PRSS3: variants seen among roughly 807,000 people sequenced by gnomAD.
The protein encoded by PRSS3 is trypsin-3.
PRSS3 carries 14 observed loss-of-function variants against 20.8 expected under a neutral mutation model. The ratio of observed to expected loss-of-function variants is 0.67; its 90% CI spans 0.44 to 1.05. The LOEUF (loss-of-function observed/expected upper bound fraction) is 1.05. PRSS3 is among the 50% of genes least tolerant of loss of function. The pLI is 0.00. For synonymous variants in PRSS3, 91 were observed against 117.6 expected (o/e 0.77, Z 1.46); for missense variants, 237 against 306.4 (o/e 0.77, Z 1.69).
intron 1 of PRSS3, among the ~76,000 whole-genome samples, chr9:33,777,587 C>CA (rs1268413495): frequency 8.1e-5 from 12 of 147,578 alleles, no homozygotes; most frequent in African/African-American, 3.0e-4. Context: ...CCTGTAGTCC[C>CA]AGCTACTCTA....
In PRSS3 at chr9:33,797,988, T is replaced by C. The variant is rs1247493374; in HGVS notation, c.360T>C (p.Asn120=). The C allele has an allele frequency of 6.2e-7, 1 of 1,614,284 alleles. No individual in the cohort carries two copies. Among genetic ancestry groups the C allele is most frequent in the South Asian group, 1.1e-5 (1 of 91,088 alleles). The change falls in exon 3 of 5, where the codon AAT becomes AAC. Residue 120 remains asparagine (N), a synonymous_variant. Transcript: ENST00000379405. ...LIKLSSPAVI[N]ARVSTISLPT... ...AACTCTCCTCACCTGCCGTCATCAA[T>C]GCCCGCGTGTCCACCATCTCTCTGC...
rs537456945 is a variant in PRSS3 at position 33,754,780 on chromosome 9, G to A, written c.-53+4053G>A. ...CAGGAGGCAGAGGTTGCAGTGAGCC[G>A]AAATCATGCCACTTGCTCTCCAGCC... is the stretch of plus-strand genomic sequence containing the variant. On this transcript the variant is annotated intron_variant, in intron 1 of 5. Coordinates refer to the PRSS3 transcript ENST00000342836. Among the ~76,000 whole-genome samples the A allele has an allele frequency of 4.9e-3, 747 of 152,190 alleles. 5 individuals carry two copies. The highest frequency in any genetic ancestry group is 6.3e-3 in the Non-Finnish European group (427 of 68,010).
chr9:33,793,110 GA>G, upstream of PRSS3, among the ~76,000 whole-genome samples: 1 of 152,238 alleles, frequency 6.6e-6, no homozygotes, highest in East Asian at 1.9e-4. Context: ...ATTTAAGGAA[GA>G]GCGCAAAATA....
intron 1 of PRSS3, among the ~76,000 whole-genome samples, chr9:33,764,225 T>C (rs1226677864): frequency 6.6e-6 from 1 of 152,192 alleles, no homozygotes; most frequent in African/African-American, 2.4e-5. Context: ...CCTCACACCA[T>C]ATACAAAAGT....
intron 1 of PRSS3, among the ~76,000 whole-genome samples, chr9:33,777,395 G>C (rs539579013): frequency 6.6e-5 from 10 of 151,922 alleles, no homozygotes; most frequent in African/African-American, 2.2e-4. Flanking sequence ...AGATAGTAAA[G>C]AGTCTTAGGT....
chr9:33,797,156 T>C (rs1214938590), intron 2 of PRSS3, among the ~76,000 whole-genome samples: 4 of 152,124 alleles, frequency 2.6e-5, no homozygotes, highest in South Asian at 4.1e-4. Flanking sequence ...GAAGACAGTG[T>C]GAATACCAGT....
intron 1 of PRSS3, among the ~76,000 whole-genome samples, chr9:33,789,421 A>AT (rs954351726): frequency 1.3e-5 from 2 of 152,082 alleles, no homozygotes; most frequent in Non-Finnish European, 2.9e-5. Context: ...ATTCAGAGGA[A>AT]TTTTTTTTAA....
chr9:33,754,260 C>CG (rs1822838265), intron 1 of PRSS3, among the ~76,000 whole-genome samples: 1 of 151,824 alleles, frequency 6.6e-6, no homozygotes, highest in Non-Finnish European at 1.5e-5. Context: ...TTAGTAGAGA[C>CG]GGGGTTTCAC....
chr9:33,781,889 A>C (rs1824198071), intron 1 of PRSS3, among the ~76,000 whole-genome samples: 1 of 152,224 alleles, frequency 6.6e-6, no homozygotes, highest in African/African-American at 2.4e-5. Flanking sequence ...GCAGGCTTAC[A>C]GGGTGTGGAG....
chr9:33,799,209 C>T lies in PRSS3; in HGVS notation c.*29C>T. 1.2e-6 allele frequency: 2 copies of T among 1,612,522 alleles called. No individual in the cohort carries two copies. The highest frequency in any genetic ancestry group is 2.2e-5 in the East Asian group (1 of 44,856). ...CCCCGGTCCCTCTGCAGTCTCTATA[C>T]CAATAAAGTGGCCCTGCTCTCACTC... On this transcript the variant is annotated 3_prime_UTR_variant, in exon 5 of 5. Coordinates refer to ENST00000379405, the MANE Select transcript of PRSS3 (RefSeq NM_002771.4).
At chr9:33,796,868 C>A in intron 2 of PRSS3, 66 bp downstream of exon 2, 3 of 1,613,300 alleles carry the variant, frequency 1.9e-6, no homozygotes. Context: ...GGCTTCAGCC[C>A]AGGGAAGTAC....
At chr9:33,768,291 C>A (rs1485246570) in intron 1 of PRSS3, among the ~76,000 whole-genome samples, 1 of 151,620 alleles carries the variant, frequency 6.6e-6, no homozygotes, top group African/African-American at 2.4e-5. Context: ...ACCAGCCTGG[C>A]CAACATGGTG....
At chr9:33,797,721 A>T (rs1490553892) in intron 2 of PRSS3, 108 bp from the exon 3 acceptor site, 9 of 1,602,636 alleles carry the variant, frequency 5.6e-6, no homozygotes, top group Non-Finnish European at 7.7e-6. Context: ...ACCCCACCCC[A>T]TGCCTCCAGA....
At chr9:33,770,934 G>A (rs855467) in intron 1 of PRSS3, among the ~76,000 whole-genome samples, 23,595 of 152,138 alleles carry the variant, frequency 0.16, 2,123 homozygotes, top group South Asian at 0.3. Context: ...CCAACAGAAA[G>A]GGCCAGTCAC....
intron 1 of PRSS3, chr9:33,786,669 C>T (rs1427692477): frequency 1.3e-6 from 1 of 766,424 alleles, no homozygotes; most frequent in African/African-American, 1.7e-5. Context: ...CAGAGCGTGA[C>T]ACTGATTGCA....
intron 1 of PRSS3, among the ~76,000 whole-genome samples, chr9:33,759,523 C>T (rs1234679317): frequency 3.3e-5 from 5 of 152,076 alleles, no homozygotes; most frequent in African/African-American, 9.7e-5. Context: ...GAATGGCTCC[C>T]AGGATTCTGG....
At chr9:33,793,812 T>C (rs796249032), upstream of PRSS3, 9 of 676,108 alleles carry the variant, frequency 1.3e-5, no homozygotes, top group Non-Finnish European at 1.6e-5. Flanking sequence ...AATTTTGCTC[T>C]GCACAAATCA....
intron 1 of PRSS3, among the ~76,000 whole-genome samples, chr9:33,770,196 C>T (rs1823623669): frequency 6.6e-6 from 1 of 151,908 alleles, no homozygotes; most frequent in Non-Finnish European, 1.5e-5. Flanking sequence ...GGTTCCAGGA[C>T]AGGAGATCCA....
At chr9:33,765,676 T>C (rs1823382497) in intron 1 of PRSS3, among the ~76,000 whole-genome samples, 1 of 152,170 alleles carries the variant, frequency 6.6e-6, no homozygotes, top group South Asian at 2.1e-4. Context: ...TGGCATGAAA[T>C]TTCCTTATGC....
Sources: gnomAD v4.1 joint callset for allele counts (sites outside exome capture counted in the v4.1 genomes callset) on GRCh38, gnomAD v4.1.1 for gene constraint, MANE v1.5 for transcripts, NCBI Gene and HGNC (gene_info 2026-07-23, HGNC 2026-07-21) for gene names.